BANK1: variants seen among roughly 807,000 people sequenced by gnomAD.
BANK1 encodes B-cell scaffold protein with ankyrin repeats.
BANK1 carries 95 observed loss-of-function variants against 94.5 expected under a neutral mutation model. The ratio of observed to expected loss-of-function variants is 1.00; its 90% confidence interval spans 0.85 to 1.19. The LOEUF (loss-of-function observed/expected upper bound fraction) is 1.19, where lower values mean the gene tolerates loss of function less well. BANK1 is among the 50% of genes most tolerant of loss of function. The pLI is 0.00. For synonymous variants in BANK1, 334 were observed against 308.4 expected, an observed-to-expected ratio of 1.08 and a Z score of -0.87; for missense variants, 987 against 932.2, an observed-to-expected ratio of 1.06 and a Z score of -0.77.
At chr4:101,915,859 C>T (rs559922019) in intron 6 of BANK1, among the ~76,000 whole-genome samples, 1 of 152,092 alleles carries the variant, frequency 6.6e-6, no homozygotes, top group Non-Finnish European at 1.5e-5. Context: ...TATGTCTAAT[C>T]TTTTGACAGG....
intron 7 of BANK1, among the ~76,000 whole-genome samples, chr4:101,977,713 A>G (rs1212126309): frequency 1.3e-5 from 2 of 152,108 alleles, no homozygotes; most frequent in Non-Finnish European, 2.9e-5. Context: ...AGTGAGATCC[A>G]TGGTCATTCC....
intron 5 of BANK1, among the ~76,000 whole-genome samples, chr4:101,873,513 T>G (rs140170989): frequency 1.9e-4 from 29 of 152,156 alleles, no homozygotes; most frequent in Admixed American, 1.8e-3. Flanking sequence ...ATTATCATTT[T>G]AAAAAAACTG....
At chr4:101,992,473 A>G (rs1422257105) in intron 7 of BANK1, among the ~76,000 whole-genome samples, 1 of 152,162 alleles carries the variant, frequency 6.6e-6, no homozygotes, top group African/African-American at 2.4e-5. Context: ...TTTTTTTACC[A>G]TTATCTTACC....
chr4:102,068,777 A>G (rs1334760841), intron 13 of BANK1, among the ~76,000 whole-genome samples: 2 of 151,902 alleles, frequency 1.3e-5, no homozygotes, highest in Admixed American at 1.3e-4. Flanking sequence ...GCAGTGAGCC[A>G]AGATTTCTCC....
At chr4:102,007,015 GA>G (rs1726282209) in intron 7 of BANK1, among the ~76,000 whole-genome samples, 1 of 135,176 alleles carries the variant, frequency 7.4e-6, no homozygotes, top group South Asian at 2.2e-4. Flanking sequence ...GAGCAAGTCA[GA>G]AAAAGAATAC....
chr4:101,895,562 T>C (rs1403334126), intron 6 of BANK1, 152 bp downstream of exon 6: 3 of 503,412 alleles, frequency 6.0e-6, no homozygotes, highest in African/African-American at 4.1e-5. Flanking sequence ...GGTACATTAG[T>C]ACAAACTTCT....
Position 101,917,977 on chromosome 4 carries a change from C to G in BANK1, c.1010-16C>G, listed in dbSNP as rs762280973. ...AAAATGAAAACATTAAATCCTACTA[C>G]TTCTTATGCTTACAGATACTCATTT... On this transcript the variant is annotated splice_polypyrimidine_tract_variant and intron_variant, in intron 6 of 16. Transcript: ENST00000322953. 2 of 1,564,582 alleles carry G rather than the reference C, an allele frequency of 1.3e-6. No homozygotes were observed. Among genetic ancestry groups the G allele is most frequent in the Non-Finnish European group, 1.7e-6 (2 of 1,143,244 alleles).
intron 3 of BANK1, among the ~76,000 whole-genome samples, chr4:101,859,556 A>G (rs563859342): frequency 1.2e-4 from 18 of 152,302 alleles, no homozygotes; most frequent in Non-Finnish European, 2.1e-4. Flanking sequence ...TGGGAGCAAA[A>G]CAATAGCTTC....
At chr4:102,073,601 A>G in intron 15 of BANK1, 83 bp from the exon 16 acceptor site, 1 of 1,292,622 alleles carries the variant, frequency 7.7e-7, no homozygotes, top group South Asian at 1.3e-5. Flanking sequence ...AAAGGCAACT[A>G]TAACTTTGTC....
intron 7 of BANK1, among the ~76,000 whole-genome samples, chr4:101,962,733 T>C (rs1307907897): frequency 6.6e-6 from 1 of 152,162 alleles, no homozygotes; most frequent in Non-Finnish European, 1.5e-5. Flanking sequence ...GCGATATACA[T>C]TCGTTTCTAT....
At chr4:101,812,152 A>C (rs1235898732) in intron 1 of BANK1, among the ~76,000 whole-genome samples, 3 of 151,960 alleles carry the variant, frequency 2.0e-5, no homozygotes, top group African/African-American at 7.2e-5. Flanking sequence ...GAACTAAAAA[A>C]TGTTAAGGTA....
chr4:102,016,533 T>A (rs898829059), intron 7 of BANK1, among the ~76,000 whole-genome samples: 1 of 152,214 alleles, frequency 6.6e-6, no homozygotes, highest in African/African-American at 2.4e-5. Context: ...ATTGGATTCA[T>A]CACCCTCGTT....
intron 7 of BANK1, among the ~76,000 whole-genome samples, chr4:101,986,871 G>GTGTA (rs1725512196): frequency 2.8e-4 from 14 of 49,706 alleles, no homozygotes; most frequent in African/African-American, 1.1e-3. Context: ...ATATATGTGT[G>GTGTA]TATGTGTGTG....
At chr4:101,857,649 AC>A (rs1279531858) in intron 3 of BANK1, among the ~76,000 whole-genome samples, 2 of 152,120 alleles carry the variant, frequency 1.3e-5, no homozygotes, top group African/African-American at 4.8e-5. Flanking sequence ...GATTTCCTAG[AC>A]CTTGAAAATT....
chr4:101,971,527 T>G (rs902401711), intron 7 of BANK1, among the ~76,000 whole-genome samples: 2 of 152,176 alleles, frequency 1.3e-5, no homozygotes, highest in African/African-American at 4.8e-5. Flanking sequence ...TTTGTCTATT[T>G]ATGCTTATGT....
rs996133705 is a variant in BANK1 at position 101,816,479 on chromosome 4, G to A, written c.71-13329G>A. Among the ~76,000 whole-genome samples, 8 of 151,866 alleles carry A rather than the reference G, an allele frequency of 5.3e-5. No homozygotes were observed. The South Asian group carries it at 6.2e-4, about 12-fold the overall frequency. The stretch of plus-strand genomic sequence containing the variant: ...AGAATTTCCTTTCACCATGAGTGGG[G>A]CTGTGATGTAGCAACCATTCACTTT... On this transcript the variant is annotated intron_variant, in intron 1 of 16. Transcript: ENST00000322953.
At chr4:101,924,968 A>T (rs1723108075) in intron 7 of BANK1, among the ~76,000 whole-genome samples, 1 of 151,700 alleles carries the variant, frequency 6.6e-6, no homozygotes, top group African/African-American at 2.4e-5. Flanking sequence ...AATAATTAGT[A>T]TTTTAAAAAA....
At chr4:102,041,002 A>G (rs943051421) in intron 10 of BANK1, among the ~76,000 whole-genome samples, 1 of 152,104 alleles carries the variant, frequency 6.6e-6, no homozygotes, top group African/African-American at 2.4e-5. Context: ...GTATTCTGGT[A>G]TACAACTTTT....
At chr4:101,876,471 C>G (rs554775068) in intron 5 of BANK1, among the ~76,000 whole-genome samples, 1 of 152,166 alleles carries the variant, frequency 6.6e-6, no homozygotes, top group Non-Finnish European at 1.5e-5. Flanking sequence ...CTCTATGAGT[C>G]TGGAAGAACT....
Sources: allele counts gnomAD v4.1 joint callset (sites outside exome capture counted in the v4.1 genomes callset), GRCh38; gene constraint gnomAD v4.1.1; transcripts MANE v1.5; gene names NCBI Gene and HGNC (gene_info 2026-07-23, HGNC 2026-07-21).